TRIO: variants seen among roughly 807,000 people sequenced by gnomAD.
The protein encoded by TRIO is trio Rho guanine nucleotide exchange factor, also known as triple functional domain protein.
Under a neutral mutation model 351.9 loss-of-function variants are expected in TRIO, and 58 were observed. That is an observed-to-expected ratio of 0.16 (90% confidence interval 0.13 to 0.21). The LOEUF is 0.21. TRIO is among the 10% of genes least tolerant of loss of function. The probability of loss-of-function intolerance (pLI) is 1.00; values close to 1 mark genes in which losing one functional copy is unlikely to be tolerated. For missense variants in TRIO, 3,201 were observed against 4,027.8 expected (o/e 0.79, Z 5.56); for synonymous variants, 1,758 against 1,595.7 (o/e 1.10, Z -2.42).
intron 8 of TRIO, among the ~76,000 whole-genome samples, chr5:14,310,836 C>A (rs1738858590): frequency 1.3e-5 from 2 of 152,180 alleles, no homozygotes; most frequent in Non-Finnish European, 2.9e-5. Context: ...CAGGTGTATG[C>A]CACCAGGCCC....
chr5:14,271,677 C>G (rs188027222), intron 2 of TRIO, among the ~76,000 whole-genome samples: 229 of 152,350 alleles, frequency 1.5e-3, no homozygotes, highest in African/African-American at 5.3e-3. Context: ...TCAGGAAGTA[C>G]ATCTGTAGAT....
At chr5:14,375,853 A>AT (rs1000868859) in intron 19 of TRIO, among the ~76,000 whole-genome samples, 7 of 152,228 alleles carry the variant, frequency 4.6e-5, no homozygotes, top group African/African-American at 1.7e-4. Context: ...TGATAGCTTA[A>AT]TTTTTTAGCA....
intron 31 of TRIO, among the ~76,000 whole-genome samples, chr5:14,404,361 C>T (rs1748523258): frequency 6.6e-6 from 1 of 152,000 alleles, no homozygotes; most frequent in African/African-American, 2.4e-5. Context: ...CCTCAGTTAC[C>T]TTTCTCTTAC....
chr5:14,403,848 TGGTGGTGAGGGTGCA>T (rs761290963), intron 31 of TRIO, among the ~76,000 whole-genome samples: 2 of 109,692 alleles, frequency 1.8e-5, no homozygotes, highest in South Asian at 3.2e-4. Flanking sequence ...AGGGTGCAGG[TGGTGGTGAGGGTGCA>T]GGTGGTGGTG....
At chr5:14,183,124 C>T (rs73055578) in intron 1 of TRIO, among the ~76,000 whole-genome samples, 5,789 of 152,114 alleles carry the variant, frequency 0.038, 390 homozygotes, top group African/African-American at 0.13. Flanking sequence ...GATGCCTGTT[C>T]CTTCTGGCCT....
intron 35 of TRIO, among the ~76,000 whole-genome samples, chr5:14,461,762 A>G (rs1753827757): frequency 6.6e-6 from 1 of 152,226 alleles, no homozygotes; most frequent in African/African-American, 2.4e-5. Flanking sequence ...ATTTGGAAGG[A>G]CTTGTGGAGT....
intron 1 of TRIO, among the ~76,000 whole-genome samples, chr5:14,153,971 C>T (rs889117039): frequency 5.3e-5 from 8 of 152,014 alleles, no homozygotes; most frequent in South Asian, 2.1e-4. Context: ...TGGTTTGGGC[C>T]CTGTAATTTA....
At chr5:14,319,710 T>C (rs1009977004) in intron 9 of TRIO, among the ~76,000 whole-genome samples, 11 of 152,136 alleles carry the variant, frequency 7.2e-5, no homozygotes, top group African/African-American at 2.7e-4. Flanking sequence ...ATGATTACAG[T>C]TTTATGAAAG....
intron 8 of TRIO, among the ~76,000 whole-genome samples, chr5:14,308,775 ATCTAT>A (rs1738632011): frequency 2.5e-5 from 2 of 81,104 alleles, no homozygotes; most frequent in Non-Finnish European, 4.7e-5. Context: ...CCATCCATTC[ATCTAT>A]CCAACCAACC....
At chr5:14,470,157 A>C (rs573182495) in intron 37 of TRIO, among the ~76,000 whole-genome samples, 15 of 152,252 alleles carry the variant, frequency 9.9e-5, no homozygotes, top group Non-Finnish European at 1.8e-4. Flanking sequence ...TTCAAAAATA[A>C]GATCAGCAGT....
chr5:14,497,613 G>A lies in TRIO; in HGVS notation c.8020-234G>A, dbSNP rs1208088741. On this transcript the variant is annotated intron_variant, in intron 50 of 56. Coordinates refer to ENST00000344204, the MANE Select transcript of TRIO (RefSeq NM_007118.4). This position sits in a 1 kb window ranked among gnomAD's most constrained non-coding sequence, Gnocchi z 4.4. ...CAGCTGGACTCAGCCTGTAGCATGA[G>A]AAAAACACACATCTAAGCAGTGTTT... Among the ~76,000 whole-genome samples the A allele has an allele frequency of 6.6e-6, 1 of 152,186 alleles. No individual in the cohort carries two copies. The highest frequency in any genetic ancestry group is 1.9e-4 in the East Asian group (1 of 5,188).
At chr5:14,386,910 C>T (rs1026528589) in intron 21 of TRIO, among the ~76,000 whole-genome samples, 11 of 152,198 alleles carry the variant, frequency 7.2e-5, no homozygotes, top group African/African-American at 1.9e-4. Context: ...ATCAACACGA[C>T]ACAGAGGAGC....
intron 1 of TRIO, among the ~76,000 whole-genome samples, chr5:14,153,948 A>AT (rs1787965381): frequency 6.6e-6 from 1 of 152,086 alleles, no homozygotes; most frequent in African/African-American, 2.4e-5. Context: ...TATAGCAAGT[A>AT]TTTTTCTCAT....
At chr5:14,305,770 A>G (rs971074569) in intron 8 of TRIO, among the ~76,000 whole-genome samples, 5 of 152,208 alleles carry the variant, frequency 3.3e-5, no homozygotes, top group African/African-American at 1.2e-4. Context: ...TTAAATGGAC[A>G]TGTGATTTGC....
intron 53 of TRIO, among the ~76,000 whole-genome samples, chr5:14,502,182 C>G (rs1280356381): frequency 6.6e-6 from 1 of 151,964 alleles, no homozygotes; most frequent in African/African-American, 2.4e-5. Flanking sequence ...GCCAGGTGAA[C>G]GGGGAGGACC....
At chr5:14,269,372 G>T (rs1795862593) in intron 1 of TRIO, among the ~76,000 whole-genome samples, 1 of 152,254 alleles carries the variant, frequency 6.6e-6, no homozygotes, top group African/African-American at 2.4e-5. Flanking sequence ...TCCTCCCGAA[G>T]ATGTTGATTT....
intron 34 of TRIO, among the ~76,000 whole-genome samples, chr5:14,427,050 G>T (rs1750702322): frequency 6.6e-6 from 1 of 152,172 alleles, no homozygotes; most frequent in African/African-American, 2.4e-5. Flanking sequence ...GAGGTTGGGA[G>T]CTTCATCTAC....
At chr5:14,297,023 T>G (rs752873717) in intron 6 of TRIO, 49 bp from the exon 7 acceptor site, 8 of 1,536,756 alleles carry the variant, frequency 5.2e-6, no homozygotes, top group South Asian at 2.5e-5. Context: ...GAAGGGAGCC[T>G]CCTATTTGCT....
At chr5:14,166,873 C>T (rs1788798919) in intron 1 of TRIO, among the ~76,000 whole-genome samples, 1 of 152,154 alleles carries the variant, frequency 6.6e-6, no homozygotes, top group South Asian at 2.1e-4. Context: ...TGGGCATAGG[C>T]AGCAGTGGAG....
Sources: gnomAD v4.1 joint callset for allele counts (sites outside exome capture counted in the v4.1 genomes callset) on GRCh38, gnomAD v4.1.1 for gene constraint, Gnocchi (gnomAD v3.1) non-coding constraint, MANE v1.5 for transcripts, NCBI Gene and HGNC (gene_info 2026-07-23, HGNC 2026-07-21) for gene names.